RNLS: variants seen among roughly 807,000 people sequenced by gnomAD.
RNLS encodes the protein renalase, FAD dependent amine oxidase.
Under a neutral mutation model 39.8 loss-of-function variants are expected in RNLS, and 39 were observed. The observed-to-expected ratio is 0.98, with a 90% CI of 0.76 to 1.28. The LOEUF (loss-of-function observed/expected upper bound fraction) is 1.28. RNLS is among the 50% of genes most tolerant of loss of function. RNLS has a pLI of 0.00. For synonymous variants in RNLS, 147 were observed against 150.7 expected (o/e 0.98, Z 0.18); for missense variants, 410 against 413.3 (o/e 0.99, Z 0.07).
downstream of RNLS, among the ~76,000 whole-genome samples, chr10:88,280,882 CTA>C (rs139824499): frequency 0.015 from 2,336 of 152,300 alleles, 21 homozygotes; most frequent in Non-Finnish European, 0.023. Flanking sequence ...CCAAACCTCT[CTA>C]AGCTTAGATA....
At chr10:88,493,502 T>C (rs1401945436) in intron 4 of RNLS, among the ~76,000 whole-genome samples, 2 of 152,076 alleles carry the variant, frequency 1.3e-5, no homozygotes, top group Non-Finnish European at 1.5e-5. Flanking sequence ...ACTCAGCAAA[T>C]TGCCCTCTCC....
chr10:88,572,979 G>A lies in RNLS; in HGVS notation c.450C>T (p.Ser150=). The part of the protein sequence containing the change: ...DKWEVSKQTG[S]PEQFDLIVLT... Reference sequence around the variant, plus strand: ...GAACAATAAGATCAAACTGCTCAGGGGAGCCTGTTTGTTTGGATACTTCCC... The same window carrying A: ...GAACAATAAGATCAAACTGCTCAGGAGAGCCTGTTTGTTTGGATACTTCCC... Residue 150 remains serine (S), a synonymous_variant, in exon 4 of 7, where the codon TCC becomes TCT. Transcript: ENST00000331772. The A allele has an allele frequency of 6.2e-7, 1 of 1,614,010 alleles. No homozygotes were observed. The highest frequency in any genetic ancestry group is 8.5e-7 in the Non-Finnish European group (1 of 1,179,916).
intron 4 of RNLS, among the ~76,000 whole-genome samples, chr10:88,424,143 A>G (rs1430721757): frequency 3.3e-5 from 5 of 152,162 alleles, no homozygotes; most frequent in South Asian, 2.1e-4. Flanking sequence ...GAATCCCTCC[A>G]TCGGAACTGA....
the RNLS span, among the ~76,000 whole-genome samples, chr10:88,203,248 G>A: frequency 7.1e-5 from 2 of 28,240 alleles, no homozygotes; most frequent in African/African-American, 2.2e-4. Flanking sequence ...GTGTGTGTGT[G>A]TGTGTGTGTG....
chr10:88,358,349 T>A (rs1849362448), intron 5 of RNLS, among the ~76,000 whole-genome samples: 3 of 152,146 alleles, frequency 2.0e-5, no homozygotes, highest in African/African-American at 7.2e-5. Context: ...AAAGGTGACA[T>A]CAAGTCAGGG....
intron 3 of RNLS, among the ~76,000 whole-genome samples, chr10:88,580,637 A>T (rs1187429773): frequency 6.6e-6 from 1 of 152,184 alleles, no homozygotes; most frequent in East Asian, 1.9e-4. Context: ...CGCTCATAAA[A>T]TATATAAGGA....
chr10:88,494,178 T>A (rs1758226376), intron 4 of RNLS, among the ~76,000 whole-genome samples: 1 of 152,166 alleles, frequency 6.6e-6, no homozygotes, highest in African/African-American at 2.4e-5. Flanking sequence ...AACAGCACTG[T>A]AATTAGCTTC....
the RNLS span, among the ~76,000 whole-genome samples, chr10:88,216,797 C>T: frequency 1.3e-5 from 2 of 152,262 alleles, no homozygotes; most frequent in South Asian, 4.1e-4. Flanking sequence ...CAAAAAAACC[C>T]GGGTGTTTAG....
At chr10:88,556,885 G>A (rs747302185) in intron 4 of RNLS, among the ~76,000 whole-genome samples, 5 of 151,906 alleles carry the variant, frequency 3.3e-5, no homozygotes, top group African/African-American at 9.7e-5. Flanking sequence ...ATTTCACATA[G>A]ATATTCACTT....
chr10:88,462,856 TAAAA>T (rs1843004746), intron 4 of RNLS, among the ~76,000 whole-genome samples: 1 of 151,992 alleles, frequency 6.6e-6, no homozygotes, highest in African/African-American at 2.4e-5. Context: ...GGAAAGCCTA[TAAAA>T]ATCAAATCAG....
chr10:88,330,449 G>A (rs1289822492), intron 5 of RNLS, among the ~76,000 whole-genome samples: 2 of 152,086 alleles, frequency 1.3e-5, no homozygotes, highest in African/African-American at 4.8e-5. Context: ...CTCAAAATGA[G>A]ATAGAATATC....
At chr10:88,406,322 A>G (rs1009825355) in intron 4 of RNLS, among the ~76,000 whole-genome samples, 1 of 152,012 alleles carries the variant, frequency 6.6e-6, no homozygotes, top group African/African-American at 2.4e-5. Flanking sequence ...TATGTTTTCT[A>G]AGCTTTTAGA....
chr10:88,434,186 T>A (rs1855310484), intron 4 of RNLS, among the ~76,000 whole-genome samples: 1 of 152,220 alleles, frequency 6.6e-6, no homozygotes, highest in Non-Finnish European at 1.5e-5. Context: ...TAAGGGCTAA[T>A]TCTTTGATGT....
chr10:88,544,894 T>C (rs1484769174), intron 4 of RNLS, among the ~76,000 whole-genome samples: 1 of 152,084 alleles, frequency 6.6e-6, no homozygotes, highest in African/African-American at 2.4e-5. Flanking sequence ...CAACTAAAAG[T>C]TTGAAAGATG....
intron 4 of RNLS, among the ~76,000 whole-genome samples, chr10:88,402,730 A>G (rs2083005729): frequency 1.3e-5 from 2 of 151,996 alleles, no homozygotes; most frequent in Admixed American, 6.6e-5. Flanking sequence ...ATTCTATCTT[A>G]TAGAATGTTC....
At chr10:88,511,900 T>A (rs1380097908) in intron 4 of RNLS, among the ~76,000 whole-genome samples, 2 of 152,202 alleles carry the variant, frequency 1.3e-5, no homozygotes, top group Non-Finnish European at 2.9e-5. Flanking sequence ...CTCTTTGAAA[T>A]CCTATTTTCG....
At chr10:88,486,470 G>A (rs1005575813) in intron 4 of RNLS, among the ~76,000 whole-genome samples, 1 of 151,672 alleles carries the variant, frequency 6.6e-6, no homozygotes, top group African/African-American at 2.4e-5. Context: ...CCATGCATCC[G>A]ACAAAGGCCT....
At chr10:88,346,930 G>C (rs1430656628) in intron 5 of RNLS, among the ~76,000 whole-genome samples, 1 of 152,132 alleles carries the variant, frequency 6.6e-6, no homozygotes, top group East Asian at 1.9e-4. Context: ...CATTTAGACT[G>C]ATCTGAAGAG....
chr10:88,385,633 G>A (rs987795655), intron 4 of RNLS, among the ~76,000 whole-genome samples: 1 of 152,196 alleles, frequency 6.6e-6, no homozygotes, highest in African/African-American at 2.4e-5. Context: ...GAAACCCCAG[G>A]TGAGTGATTT....
Sources: allele counts gnomAD v4.1 joint callset (sites outside exome capture counted in the v4.1 genomes callset), GRCh38; gene constraint gnomAD v4.1.1; transcripts MANE v1.5; gene names NCBI Gene and HGNC (gene_info 2026-07-23, HGNC 2026-07-21).